ANK2: variants seen among roughly 807,000 people sequenced by gnomAD.
ANK2 encodes ankyrin 2, also known as ankyrin-2.
Under a neutral mutation model 360.5 loss-of-function variants are expected in ANK2, and 83 were observed. That is an observed-to-expected ratio of 0.23 (90% CI 0.19 to 0.28). ANK2 has a LOEUF of 0.28. Ranked by LOEUF, ANK2 falls within the 10% of genes least tolerant of loss-of-function variation. The probability of loss-of-function intolerance (pLI) is 1.00; values close to 1 mark genes in which losing one functional copy is unlikely to be tolerated. For synonymous variants in ANK2, 1,740 were observed against 1,759.5 expected, an observed-to-expected ratio of 0.99 and a Z score of 0.28; for missense variants, 4,201 against 4,795.7, an observed-to-expected ratio of 0.88 and a Z score of 3.66.
the ANK2 span, among the ~76,000 whole-genome samples, chr4:112,794,688 A>G: frequency 6.6e-6 from 1 of 152,212 alleles, no homozygotes; most frequent in Non-Finnish European, 1.5e-5. Context: ...TTCTTCTGCC[A>G]TTCCCCCTTC....
chr4:113,222,391 ATTT>A (rs397880062), intron 4 of ANK2, among the ~76,000 whole-genome samples: 32 of 122,450 alleles, frequency 2.6e-4, no homozygotes, highest in Middle Eastern at 8.2e-3. Flanking sequence ...CTCTGAAACA[ATTT>A]TTTTTTTTTT....
At position 113,345,997 on chromosome 4, in the gene ANK2, A is replaced by C. The variant is rs1208363698; in HGVS notation, c.4346A>C (p.Asn1449Thr). 1 of 1,613,592 alleles carries C rather than the reference A, an allele frequency of 6.2e-7. No homozygotes were observed. Among genetic ancestry groups the C allele is most frequent in the Non-Finnish European group, 8.5e-7 (1 of 1,179,592 alleles). ...GLVHQAICNL[N>T]ITLPIYTKES... The stretch of plus-strand genomic sequence containing the variant: ...GTGCATCAAGCTATTTGCAACTTAA[A>C]CATCACTTTGCCGATTTATACAAAG... The change falls in exon 35 of 46, where the codon AAC (asparagine) becomes ACC (threonine). Residue 1449 changes from asparagine to threonine, a missense_variant. By Grantham distance (65) the Asn-to-Thr change is moderately conservative (BLOSUM62 0). Coordinates refer to ENST00000357077, the MANE Select transcript of ANK2 (RefSeq NM_001148.6).
chr4:112,932,885 C>T (rs1000821609), intron 2 of ANK2, among the ~76,000 whole-genome samples: 1 of 152,104 alleles, frequency 6.6e-6, no homozygotes, highest in Non-Finnish European at 1.5e-5. Flanking sequence ...CAATGATCCA[C>T]CAAAATCAAC....
At chr4:112,839,821 A>G (rs17045030) in intron 1 of ANK2, among the ~76,000 whole-genome samples, 19,703 of 152,192 alleles carry the variant, frequency 0.13, 2,041 homozygotes, top group East Asian at 0.5. Context: ...TGATTGAAGG[A>G]TGACTTTAAA....
intron 1 of ANK2, among the ~76,000 whole-genome samples, chr4:113,105,601 A>G (rs2093516086): frequency 6.6e-6 from 1 of 152,164 alleles, no homozygotes; most frequent in African/African-American, 2.4e-5. Flanking sequence ...ACATTAAATC[A>G]TTTTCCACTT....
At chr4:113,291,961 G>A (rs1227999983) in intron 20 of ANK2, among the ~76,000 whole-genome samples, 1 of 152,198 alleles carries the variant, frequency 6.6e-6, no homozygotes, top group Non-Finnish European at 1.5e-5. Context: ...GGAGAGTCAT[G>A]ATGAACAAGC....
At position 112,885,251 on chromosome 4, in the gene ANK2, A is replaced by C. The variant is rs556687875; in HGVS notation, c.-39-19204A>C. On this transcript the variant is annotated intron_variant, in intron 1 of 30. Coordinates refer to the ANK2 transcript ENST00000503271. Reference sequence around the variant, plus strand: ...CGTGGTGGTTCACGCCTGTAATCCCAGCACTTTGGGAGGCTGAGGCGGGTG... The same window carrying C: ...CGTGGTGGTTCACGCCTGTAATCCCCGCACTTTGGGAGGCTGAGGCGGGTG... Among the ~76,000 whole-genome samples, 527 of 152,294 alleles carry C rather than the reference A, an allele frequency of 3.5e-3. 3 individuals carry two copies. Among genetic ancestry groups the C allele is most frequent in the African/African-American group, 0.012 (507 of 41,560 alleles).
Position 113,375,328 on chromosome 4 carries a change from A to G in ANK2, c.11859+1879A>G, listed in dbSNP as rs191931136. 2.5e-3 allele frequency among the ~76,000 whole-genome samples: 385 copies of G among 152,338 alleles called. 1 individual carries two copies. The highest frequency in any genetic ancestry group is 0.01 in the Middle Eastern group (3 of 294). The stretch of plus-strand genomic sequence containing the variant: ...TATTTGCTAGCCAGTCTTTTCAAAT[A>G]TAATCTGTGATAGACATTAAAGAAA... On this transcript the variant is annotated intron_variant, in intron 45 of 45. Coordinates refer to ENST00000357077, the MANE Select transcript of ANK2 (RefSeq NM_001148.6).
chr4:113,011,140 G>A (rs1348698000), intron 2 of ANK2, among the ~76,000 whole-genome samples: 1 of 152,082 alleles, frequency 6.6e-6, no homozygotes, highest in African/African-American at 2.4e-5. Flanking sequence ...TGGTGGAGCT[G>A]TATTTCATAA....
chr4:112,898,652 A>AT (rs147301997), intron 1 of ANK2, among the ~76,000 whole-genome samples: 2,415 of 152,326 alleles, frequency 0.016, 37 homozygotes, highest in South Asian at 0.031. Flanking sequence ...AAAATTCTAG[A>AT]TTCCATATTT....
At chr4:113,216,682 C>G (rs1445746035) in intron 4 of ANK2, among the ~76,000 whole-genome samples, 1 of 152,120 alleles carries the variant, frequency 6.6e-6, no homozygotes. Context: ...CCAATATACC[C>G]AGGAAGAACA....
chr4:112,770,174 C>G, the ANK2 span, among the ~76,000 whole-genome samples: 1 of 152,166 alleles, frequency 6.6e-6, no homozygotes, highest in South Asian at 2.1e-4. Flanking sequence ...AGTTCTACAT[C>G]GAATCACAAT....
At chr4:112,940,317 G>A (rs1050528398) in intron 2 of ANK2, among the ~76,000 whole-genome samples, 18 of 152,092 alleles carry the variant, frequency 1.2e-4, no homozygotes, top group African/African-American at 2.2e-4. Flanking sequence ...TTGAGAAGCC[G>A]TTCTTAAATA....
At chr4:112,944,076 G>T (rs1338032824) in intron 2 of ANK2, among the ~76,000 whole-genome samples, 1 of 152,048 alleles carries the variant, frequency 6.6e-6, no homozygotes, top group African/African-American at 2.4e-5. Flanking sequence ...ATCCAGCAAG[G>T]ACTAAAAAAC....
chr4:113,178,941 C>G (rs1195276461), intron 2 of ANK2, among the ~76,000 whole-genome samples: 1 of 152,162 alleles, frequency 6.6e-6, no homozygotes, highest in Non-Finnish European at 1.5e-5. Context: ...CAAAGTAATA[C>G]AGTGGTGATG....
At chr4:113,267,899 A>G (rs950150305) in intron 14 of ANK2, among the ~76,000 whole-genome samples, 1 of 152,026 alleles carries the variant, frequency 6.6e-6, no homozygotes, top group Admixed American at 6.6e-5. Flanking sequence ...ATGTTTTTCT[A>G]TTTATTTGTT....
chr4:113,151,049 A>C, intron 1 of ANK2: 1 of 1,277,818 alleles, frequency 7.8e-7, no homozygotes. Context: ...CCAAAGTAGC[A>C]AATCTATTTA....
intron 2 of ANK2, among the ~76,000 whole-genome samples, chr4:113,184,190 C>T (rs923524056): frequency 1.3e-5 from 2 of 151,042 alleles, no homozygotes; most frequent in African/African-American, 4.9e-5. Flanking sequence ...ATGACTACAC[C>T]CATGCATTCT....
intron 10 of ANK2, among the ~76,000 whole-genome samples, chr4:113,250,096 A>G (rs2045323171): frequency 6.6e-6 from 1 of 152,214 alleles, no homozygotes; most frequent in African/African-American, 2.4e-5. Flanking sequence ...TTTACCTGTT[A>G]TTCTTACTGC....
Sources: allele counts gnomAD v4.1 joint callset (sites outside exome capture counted in the v4.1 genomes callset), GRCh38; gene constraint gnomAD v4.1.1; transcripts MANE v1.5; gene names NCBI Gene and HGNC (gene_info 2026-07-23, HGNC 2026-07-21).